The following ADH6 variants were observed in gnomAD, a reference collection of about 807,000 sequenced individuals.
The protein encoded by ADH6 is alcohol dehydrogenase 6.
A neutral mutation model predicts 36.5 loss-of-function variants in ADH6; 34 were observed. The ratio of observed to expected loss-of-function variants is 0.93; its 90% confidence interval spans 0.71 to 1.24. The LOEUF (loss-of-function observed/expected upper bound fraction) is 1.24, where lower values mean the gene tolerates loss of function less well. Among genes scored for constraint, ADH6 ranks in the 50% most tolerant of loss-of-function variants. The probability of loss-of-function intolerance (pLI) is 0.00; values close to 1 mark genes in which losing one functional copy is unlikely to be tolerated. For missense variants in ADH6, 440 were observed against 447.0 expected, an observed-to-expected ratio of 0.98 and a Z score of 0.14; for synonymous variants, 161 against 155.5, an observed-to-expected ratio of 1.04 and a Z score of -0.26.
intron 3 of ADH6, among the ~76,000 whole-genome samples, chr4:99,212,089 T>C (rs1303423704): frequency 1.3e-5 from 2 of 152,184 alleles, no homozygotes; most frequent in Non-Finnish European, 2.9e-5. Flanking sequence ...ATATTTGTGG[T>C]GATTTTTTCC....
intron 5 of ADH6, among the ~76,000 whole-genome samples, chr4:99,209,378 A>C (rs1188681776): frequency 6.6e-6 from 1 of 150,972 alleles, no homozygotes; most frequent in African/African-American, 2.4e-5. Context: ...CTTTTTTTTT[A>C]TTGAGTACTG....
chr4:99,204,180 G>T lies in ADH6; in HGVS notation c.*39C>A. The T allele has an allele frequency of 6.3e-7, 1 of 1,580,294 alleles. No individual in the cohort carries two copies. ...AATTACATCAAATGCCATTGAGTTG[G>T]TGAAATATCCTTTGGGTCTTGCATG... On this transcript the variant is annotated 3_prime_UTR_variant, in exon 9 of 9. Coordinates refer to ENST00000394899, the MANE Select transcript of ADH6 (RefSeq NM_001102470.2).
At chr4:99,208,526 G>C in intron 6 of ADH6, 142 bp downstream of exon 6, 1 of 914,414 alleles carries the variant, frequency 1.1e-6, no homozygotes, top group South Asian at 1.8e-5. Context: ...AGAGTACACA[G>C]ACGGCACCAG....
chr4:99,203,533 C>G lies in ADH6; in HGVS notation c.*686G>C, dbSNP rs1322553389. ...ACAGTTTTGTTATTTAATATTACAA[C>G]CGCTTTGTAGGAAGTGTGGATCCTG... On this transcript the variant is annotated 3_prime_UTR_variant, in exon 9 of 9. Coordinates refer to ENST00000394899, the MANE Select transcript of ADH6 (RefSeq NM_001102470.2). The G allele has an allele frequency of 3.3e-5, 5 of 152,142 alleles. No individual in the cohort carries two copies. The highest frequency in any genetic ancestry group is 4.8e-5 in the African/African-American group (2 of 41,518). The allele number at this position is 152,142 out of a possible 1,614,324, so 9.4% of individuals were successfully genotyped here. A position where few individuals can be genotyped will look rare whatever the true frequency, so the allele number is the denominator to read the frequency against.
At chr4:99,204,651 T>C in intron 8 of ADH6, 1 of 1,194,804 alleles carries the variant, frequency 8.4e-7, no homozygotes, top group Admixed American at 4.3e-5. Flanking sequence ...CATTAATATG[T>C]CATGTAAAAA....
intron 7 of ADH6, 54 bp downstream of exon 7, chr4:99,207,392 A>C: frequency 6.2e-7 from 1 of 1,604,036 alleles, no homozygotes; most frequent in Non-Finnish European, 8.5e-7. Context: ...ACATTTTTCT[A>C]TTTCCCACCT....
At position 99,207,587 on chromosome 4, in the gene ADH6, A is replaced by G. The variant is rs1236391265; in HGVS notation, c.829-6T>C. ...CAGGAGGCGAGGGCAGCTGCCTGTTAGAAAGTGATGCAATACAGTATAGGG... is the reference window on the plus strand; with the variant it reads ...CAGGAGGCGAGGGCAGCTGCCTGTTGGAAAGTGATGCAATACAGTATAGGG... On this transcript the variant is annotated splice_region_variant and splice_polypyrimidine_tract_variant and intron_variant, in intron 6 of 8. Transcript: ENST00000394899. 1.2e-6 allele frequency: 2 copies of G among 1,613,092 alleles called. No individual in the cohort carries two copies. Among genetic ancestry groups the G allele is most frequent in the South Asian group, 2.2e-5 (2 of 91,022 alleles).
At chr4:99,217,315 C>T (rs143948845) in intron 1 of ADH6, among the ~76,000 whole-genome samples, 3,151 of 152,284 alleles carry the variant, frequency 0.021, 58 homozygotes, top group Non-Finnish European at 0.033. Context: ...GGATTACAGG[C>T]GTGAGCCACC....
At chr4:99,217,484 C>T (rs1731490597) in intron 1 of ADH6, among the ~76,000 whole-genome samples, 1 of 152,178 alleles carries the variant, frequency 6.6e-6, no homozygotes, top group African/African-American at 2.4e-5. Flanking sequence ...TCTTTTTGTG[C>T]CTGGCTTATT....
rs941432194 is a variant in ADH6 at position 99,204,010 on chromosome 4, G to C, written c.*209C>G. The C allele has an allele frequency of 1.1e-5, 6 of 546,200 alleles. No homozygotes were observed. The East Asian group carries it at 1.3e-4, about 12-fold the overall frequency. 33.8% of individuals were successfully genotyped at this position (546,200 alleles called of 1,614,324 possible). Reference sequence around the variant, plus strand: ...AACCTTAATCTAGCTCTGAAAAGGAGGCTGATCCTTGGTGACACTGGGTTA... The same window carrying C: ...AACCTTAATCTAGCTCTGAAAAGGACGCTGATCCTTGGTGACACTGGGTTA... On this transcript the variant is annotated 3_prime_UTR_variant, in exon 9 of 9. Transcript: ENST00000394899.
In ADH6 at chr4:99,213,680, T is replaced by C. The variant is rs1158587278; in HGVS notation, c.188A>G (p.Tyr63Cys). ...VLGSKHLDLL[Y>C]PTILGHEGAG... is the part of the protein sequence containing the mutation. ...CCCTTCATGGCCCAAGATGGTGGGA[T>C]ACAAGAGGTCCAAGTGTTTACTCCC... Residue 63 changes from tyrosine (Y) to cysteine (C), a missense_variant, in exon 3 of 9, where the codon TAT becomes TGT. Tyr to Cys is a radical substitution (Grantham distance 194, BLOSUM62 -2). Coordinates refer to ENST00000394899, the MANE Select transcript of ADH6 (RefSeq NM_001102470.2). 6.2e-7 allele frequency: 1 copy of C among 1,613,842 alleles called. No homozygotes were observed. The highest frequency in any genetic ancestry group is 2.2e-5 in the East Asian group (1 of 44,874).
intron 6 of ADH6, 144 bp downstream of exon 6, chr4:99,208,524 C>T: frequency 4.5e-6 from 4 of 895,248 alleles, no homozygotes; most frequent in Non-Finnish European, 5.1e-6. Flanking sequence ...TAAGAGTACA[C>T]AGACGGCACC....
At chr4:99,209,825 AATTT>A (rs1731160549) in intron 5 of ADH6, among the ~76,000 whole-genome samples, 1 of 152,140 alleles carries the variant, frequency 6.6e-6, no homozygotes, top group African/African-American at 2.4e-5. Flanking sequence ...TGTTAGATTT[AATTT>A]CCAGTAATTC....
Position 99,208,881 on chromosome 4 carries a change from G to A in ADH6, c.615C>T (p.Gly205=), listed in dbSNP as rs900693864. ...CTTTACAACCCATGACAACAGACAA[G>A]CCGACTCCTCCCAGGCCAAACACAG... The part of the protein sequence containing the change: ...TCAVFGLGGV[G]LSVVMGCKAA... The change falls in exon 6 of 9, where the codon GGC becomes GGT. Residue 205 remains glycine (G), a synonymous_variant. Coordinates refer to ENST00000394899, the MANE Select transcript of ADH6 (RefSeq NM_001102470.2). 5 of 1,613,656 alleles carry A rather than the reference G, an allele frequency of 3.1e-6. No homozygotes were observed. Among genetic ancestry groups the A allele is most frequent in the Non-Finnish European group, 4.2e-6 (5 of 1,179,752 alleles).
At chr4:99,213,774 GT>G (rs766741941) in intron 2 of ADH6, 27 bp from the exon 3 acceptor site, 1 of 1,542,520 alleles carries the variant, frequency 6.5e-7, no homozygotes, top group Non-Finnish European at 8.7e-7. Context: ...GGGTACTGCA[GT>G]TCCCGCTGTT....
intron 2 of ADH6, 132 bp from the exon 3 acceptor site, chr4:99,213,879 A>G: frequency 1.4e-6 from 1 of 725,626 alleles, no homozygotes; most frequent in Non-Finnish European, 2.0e-6. Context: ...TATCAGTTTT[A>G]ATTCTAGGGA....
At chr4:99,215,116 G>A (rs1236166865) in intron 2 of ADH6, among the ~76,000 whole-genome samples, 1 of 152,150 alleles carries the variant, frequency 6.6e-6, no homozygotes, top group Non-Finnish European at 1.5e-5. Context: ...ATGGTTGAAT[G>A]TCTTTGAGTG....
chr4:99,215,821 T>G (rs1213530942), intron 2 of ADH6: 1 of 156,010 alleles, frequency 6.4e-6, no homozygotes, highest in Non-Finnish European at 1.4e-5. Flanking sequence ...ATTCAAAATA[T>G]TTCAAGACAA....
rs1367319947 is a variant in ADH6, at chr4:99,203,591, C to A, written c.*628G>T. ...ATCCACCTCCTGTATGATGACTCCC[C>A]TCATCCCTTTTTTTTCTGCTGGATC... On this transcript the variant is annotated 3_prime_UTR_variant, in exon 9 of 9. Coordinates refer to ENST00000394899, the MANE Select transcript of ADH6 (RefSeq NM_001102470.2). 2.0e-5 allele frequency: 3 copies of A among 152,094 alleles called. No individual in the cohort carries two copies. The highest frequency in any genetic ancestry group is 3.9e-4 in the East Asian group (2 of 5,180). 9.4% of individuals were successfully genotyped at this position (152,094 alleles called of 1,614,324 possible). A position where few individuals can be genotyped will look rare whatever the true frequency, so the allele number is the denominator to read the frequency against.
Sources: gnomAD v4.1 joint callset for allele counts (sites outside exome capture counted in the v4.1 genomes callset) on GRCh38, gnomAD v4.1.1 for gene constraint, MANE v1.5 for transcripts, NCBI Gene and HGNC (gene_info 2026-07-23, HGNC 2026-07-21) for gene names.